Variants in THSD7A observed in about 807,000 individuals in gnomAD.
THSD7A encodes thrombospondin type-1 domain-containing protein 7A.
Under a neutral mutation model 231.3 loss-of-function variants are expected in THSD7A, and 96 were observed. That is an observed-to-expected ratio of 0.41 (90% CI 0.35 to 0.49). The LOEUF (loss-of-function observed/expected upper bound fraction) is 0.49. Ranked by LOEUF, THSD7A falls within the 20% of genes least tolerant of loss-of-function variation. The pLI is 0.05. For synonymous variants in THSD7A, 940 were observed against 743.3 expected, an observed-to-expected ratio of 1.26 and a Z score of -4.30; for missense variants, 2,290 against 2,070.2, an observed-to-expected ratio of 1.11 and a Z score of -2.06.
chr7:11,748,236 A>T (rs1198521673), intron 1 of THSD7A, among the ~76,000 whole-genome samples: 2 of 151,862 alleles, frequency 1.3e-5, no homozygotes, highest in Non-Finnish European at 2.9e-5. Flanking sequence ...AAAATGATGG[A>T]GTTACTGACA....
In THSD7A at chr7:11,637,589, C is replaced by A. The variant is rs116508998; in HGVS notation, c.191-628G>T. On this transcript the variant is annotated intron_variant, in intron 1 of 27. Transcript: ENST00000423059. This position sits in a 1 kb window ranked among gnomAD's most constrained non-coding sequence, Gnocchi z 4.2. ...TCTGCCTTTAAATTTACCAAATTTC[C>A]CCCCCATTTCCCAAGTGAAGTATAG... 0.32 allele frequency among the ~76,000 whole-genome samples: 49,191 copies of A among 151,816 alleles called. 8,028 individuals are homozygous for A. The highest frequency in any genetic ancestry group is 0.37 in the Admixed American group (5,575 of 15,254).
At chr7:11,568,654 AC>A (rs1184937691) in intron 4 of THSD7A, among the ~76,000 whole-genome samples, 10,116 of 106,962 alleles carry the variant, frequency 0.095, 1,129 homozygotes, top group Non-Finnish European at 0.14. Flanking sequence ...AAAAAAAAAA[AC>A]CAAAATCTGG....
At chr7:11,659,327 A>T (rs543643358) in intron 1 of THSD7A, among the ~76,000 whole-genome samples, 1 of 151,592 alleles carries the variant, frequency 6.6e-6, no homozygotes, top group East Asian at 2.0e-4. Flanking sequence ...TCAACATGCA[A>T]ATTTGTTCAT....
chr7:11,388,678 T>TGTC (rs1031609235), intron 23 of THSD7A, among the ~76,000 whole-genome samples: 8 of 152,172 alleles, frequency 5.3e-5, no homozygotes, highest in African/African-American at 1.9e-4. Context: ...GAGTTTTTTG[T>TGTC]GTCTCTATTT....
chr7:11,769,409 T>G (rs1783155206), intron 1 of THSD7A, among the ~76,000 whole-genome samples: 1 of 151,802 alleles, frequency 6.6e-6, no homozygotes, highest in Non-Finnish European at 1.5e-5. Context: ...ATTGTGTTGA[T>G]CCCTTGGCTG....
intron 1 of THSD7A, among the ~76,000 whole-genome samples, chr7:11,787,148 G>A (rs1478869908): frequency 6.6e-6 from 1 of 152,038 alleles, no homozygotes; most frequent in Admixed American, 6.6e-5. Context: ...ATCAAAGTGA[G>A]CAATATAATA....
At chr7:11,482,486 T>C (rs1318417554) in intron 6 of THSD7A, among the ~76,000 whole-genome samples, 1 of 152,194 alleles carries the variant, frequency 6.6e-6, no homozygotes, top group African/African-American at 2.4e-5. Flanking sequence ...GCAACCTTCT[T>C]CTTTCGTAAA....
rs1343996722 is a variant in THSD7A at position 11,429,178 on chromosome 7, A to G, written c.3065-53T>C. 5.4e-6 allele frequency: 8 copies of G among 1,491,510 alleles called. No homozygotes were observed. In the African/African-American group the frequency reaches 5.7e-5, roughly 11 times the overall value. 92.4% of individuals were successfully genotyped at this position (1,491,510 alleles called of 1,614,324 possible). A position where few individuals can be genotyped will look rare whatever the true frequency, so the allele number is the denominator to read the frequency against. ...CATCTCCTCCACCTGTCACTCTCCC[A>G]TTACCACCCACTATTCTAGGTCATT... On this transcript the variant is annotated intron_variant, in intron 13 of 27. Transcript: ENST00000423059.
chr7:11,661,115 A>G (rs1454296862), intron 1 of THSD7A, among the ~76,000 whole-genome samples: 2 of 151,380 alleles, frequency 1.3e-5, no homozygotes, highest in Non-Finnish European at 3.0e-5. Flanking sequence ...TAACCATGGT[A>G]AGTAACCCAG....
chr7:11,434,087 A>G (rs1784558500), intron 13 of THSD7A, among the ~76,000 whole-genome samples: 1 of 152,036 alleles, frequency 6.6e-6, no homozygotes, highest in Non-Finnish European at 1.5e-5. Flanking sequence ...AACTGCTAGA[A>G]AAGCATTCCC....
intron 4 of THSD7A, among the ~76,000 whole-genome samples, chr7:11,587,776 GT>G (rs1327303927): frequency 6.6e-6 from 1 of 152,176 alleles, no homozygotes; most frequent in African/African-American, 2.4e-5. Flanking sequence ...TGCTAAGGTA[GT>G]CAGTATCATT....
intron 1 of THSD7A, among the ~76,000 whole-genome samples, chr7:11,657,103 C>T (rs1427863368): frequency 6.6e-6 from 1 of 151,682 alleles, no homozygotes; most frequent in Non-Finnish European, 1.5e-5. Flanking sequence ...TAAAAATGTG[C>T]TTTAAATTAT....
At chr7:11,812,562 T>C (rs991085921) in intron 1 of THSD7A, among the ~76,000 whole-genome samples, 3 of 152,124 alleles carry the variant, frequency 2.0e-5, no homozygotes, top group African/African-American at 7.2e-5. Flanking sequence ...ACATATCACA[T>C]AGACAAAATA....
intron 18 of THSD7A, 35 bp downstream of exon 18, chr7:11,412,621 G>T (rs749829563): frequency 4.3e-6 from 7 of 1,611,960 alleles, no homozygotes; most frequent in Non-Finnish European, 5.9e-6. Context: ...ACAGGATTTG[G>T]ACTTAACTCC....
chr7:11,728,758 A>T (rs1423691635), intron 1 of THSD7A, among the ~76,000 whole-genome samples: 1 of 151,876 alleles, frequency 6.6e-6, no homozygotes, highest in Non-Finnish European at 1.5e-5. Flanking sequence ...TGCCAGTATC[A>T]ACTTGTATAC....
At chr7:11,680,378 G>A (rs1783823193) in intron 1 of THSD7A, among the ~76,000 whole-genome samples, 1 of 152,106 alleles carries the variant, frequency 6.6e-6, no homozygotes, top group Non-Finnish European at 1.5e-5. Flanking sequence ...AAGAGCTTCT[G>A]CACAGAAAAA....
At chr7:11,537,128 A>G (rs1396792193) in intron 6 of THSD7A, among the ~76,000 whole-genome samples, 1 of 152,204 alleles carries the variant, frequency 6.6e-6, no homozygotes, top group Admixed American at 6.5e-5. Flanking sequence ...CTACATGGAA[A>G]CAAAGAAGTA....
chr7:11,426,159 A>C (rs1784315256), intron 15 of THSD7A, among the ~76,000 whole-genome samples: 1 of 152,236 alleles, frequency 6.6e-6, no homozygotes, highest in Admixed American at 6.5e-5. Context: ...TATTAAAAAT[A>C]GAACTAAATA....
chr7:11,558,716 TA>T (rs1413666021), intron 4 of THSD7A, among the ~76,000 whole-genome samples: 1 of 152,114 alleles, frequency 6.6e-6, no homozygotes, highest in Non-Finnish European at 1.5e-5. Flanking sequence ...AAATATCAAA[TA>T]GGAGTAAAAT....
Sources: allele counts gnomAD v4.1 joint callset (sites outside exome capture counted in the v4.1 genomes callset), GRCh38; gene constraint gnomAD v4.1.1; non-coding constraint Gnocchi (gnomAD v3.1); transcripts MANE v1.5; gene names NCBI Gene and HGNC (gene_info 2026-07-23, HGNC 2026-07-21).